The following CCSER2 variants were observed in gnomAD, a reference collection of about 807,000 sequenced individuals.
The protein encoded by CCSER2 is serine-rich coiled-coil domain-containing protein 2.
In CCSER2, 46 loss-of-function variants were observed where a neutral mutation model predicts 92.3. The observed-to-expected ratio is 0.50, with a 90% CI of 0.39 to 0.64. The LOEUF (loss-of-function observed/expected upper bound fraction) is 0.64, where lower values mean the gene tolerates loss of function less well. Ranked by LOEUF, CCSER2 falls within the 30% of genes least tolerant of loss-of-function variation. CCSER2 has a pLI of 0.00. For missense variants in CCSER2, 1,244 were observed against 1,238.9 expected, an observed-to-expected ratio of 1.00 and a Z score of -0.06; for synonymous variants, 433 against 431.4, an observed-to-expected ratio of 1.00 and a Z score of -0.04.
chr10:84,340,183 C>T (rs1429388254), intron 1 of CCSER2, among the ~76,000 whole-genome samples: 2 of 152,208 alleles, frequency 1.3e-5, no homozygotes, highest in Non-Finnish European at 2.9e-5. Context: ...GATGCCTCTT[C>T]TTCCAGGAAA....
intron 9 of CCSER2, among the ~76,000 whole-genome samples, chr10:84,495,701 C>G (rs1328637049): frequency 1.3e-5 from 2 of 149,330 alleles, no homozygotes; most frequent in Non-Finnish European, 3.0e-5. Context: ...TTTGTGAGGT[C>G]TCTTTCTATA....
In CCSER2 at chr10:84,371,880, G is replaced by T. The variant is rs750550458; in HGVS notation, c.828G>T (p.Gln276His). ...GTATGCTAACAAGAAATTCCCGGCAGCCAGAAGTACTCAATGGGAATGAAC... is the reference window on the plus strand; with the variant it reads ...GTATGCTAACAAGAAATTCCCGGCATCCAGAAGTACTCAATGGGAATGAAC... ...RSSMLTRNSR[Q>H]PEVLNGNEHL... is the part of the protein sequence containing the mutation. Residue 276 changes from glutamine (Q) to histidine (H), a missense_variant, in exon 2 of 10, where the codon CAG becomes CAT. Coordinates refer to ENST00000372088, the MANE Select transcript of CCSER2 (RefSeq NM_001284240.2). 1.2e-6 allele frequency: 2 copies of T among 1,613,768 alleles called. No homozygotes were observed. The highest frequency in any genetic ancestry group is 1.7e-6 in the Non-Finnish European group (2 of 1,179,768).
At chr10:84,380,716 CAG>C (rs60369618) in intron 3 of CCSER2, among the ~76,000 whole-genome samples, 2,367 of 140,866 alleles carry the variant, frequency 0.017, 67 homozygotes, top group African/African-American at 0.059. Context: ...TTTTTTGAGA[CAG>C]AGTGTAGCTG....
intron 4 of CCSER2, chr10:84,425,252 T>C: frequency 1.5e-6 from 1 of 687,896 alleles, no homozygotes; most frequent in Non-Finnish European, 1.8e-6. Context: ...AAAGTGTGAT[T>C]TGTTTGTGAT....
intron 1 of CCSER2, among the ~76,000 whole-genome samples, chr10:84,343,093 G>A (rs754377160): frequency 3.9e-5 from 6 of 152,104 alleles, no homozygotes; most frequent in African/African-American, 1.2e-4. Context: ...GGCTGGTCTC[G>A]AACTCCTAAC....
intron 3 of CCSER2, among the ~76,000 whole-genome samples, chr10:84,375,346 T>A (rs888762433): frequency 2.0e-5 from 3 of 152,140 alleles, no homozygotes; most frequent in Non-Finnish European, 4.4e-5. Context: ...GGTGTTTCTG[T>A]CTTTCTCTTC....
intron 1 of CCSER2, among the ~76,000 whole-genome samples, chr10:84,336,857 TAGGC>T (rs775835881): frequency 1.3e-5 from 2 of 151,918 alleles, no homozygotes; most frequent in Non-Finnish European, 2.9e-5. Context: ...ATGATGATTT[TAGGC>T]AGGGATTGGG....
At position 84,340,466 on chromosome 10, in the gene CCSER2, A is replaced by G. The variant is rs1057246982; in HGVS notation, c.-40+11658A>G. The stretch of plus-strand genomic sequence containing the variant: ...TTACGCCATTCAATTTGTACAGAAT[A>G]TACATAAGCAATTCGAATAGTGTTC... On this transcript the variant is annotated intron_variant, in intron 1 of 9. Transcript: ENST00000372088. 2.3e-5 allele frequency among the ~76,000 whole-genome samples: 3 copies of G among 131,082 alleles called. No individual in the cohort carries two copies. The Admixed American group carries it at 2.4e-4, about 10-fold the overall frequency. 86.0% of individuals were successfully genotyped at this position (131,082 alleles called of 152,430 possible). A position where few individuals can be genotyped will look rare whatever the true frequency, so the allele number is the denominator to read the frequency against.
intron 9 of CCSER2, among the ~76,000 whole-genome samples, chr10:84,483,997 AAT>A (rs1847645825): frequency 2.6e-5 from 2 of 75,536 alleles, no homozygotes; most frequent in African/African-American, 8.4e-5. Context: ...ATATATATAT[AAT>A]TTTTTTTTTT....
At chr10:84,426,124 T>A (rs1210130953) in intron 5 of CCSER2, among the ~76,000 whole-genome samples, 1 of 152,222 alleles carries the variant, frequency 6.6e-6, no homozygotes, top group Non-Finnish European at 1.5e-5. Context: ...TCTATTTATA[T>A]CTGCTTTTTG....
chr10:84,385,004 A>AACACACACACACACACACACACACACAC (rs56977232), intron 3 of CCSER2, among the ~76,000 whole-genome samples: 27 of 145,880 alleles, frequency 1.9e-4, no homozygotes, highest in African/African-American at 5.1e-4. Context: ...ATTTACAATA[A>AACACACACACACACACACACACACACAC]ACACACACAC....
chr10:84,455,940 C>G, intron 6 of CCSER2: 1 of 667,528 alleles, frequency 1.5e-6, no homozygotes, highest in Non-Finnish European at 2.9e-6. Flanking sequence ...TTCTGGATTT[C>G]TGTCTCAATT....
rs188863412 is a variant in CCSER2, at chr10:84,396,413, G to A, written c.1615-21358G>A. Reference sequence around the variant, plus strand: ...TTTTTTTTTAAACCTTAACCTTACAGAATACAATAAGTACTGTTTTCCAAG... The same window carrying A: ...TTTTTTTTTAAACCTTAACCTTACAAAATACAATAAGTACTGTTTTCCAAG... On this transcript the variant is annotated intron_variant, in intron 3 of 9. Transcript: ENST00000372088. Among the ~76,000 whole-genome samples, 703 of 151,358 alleles carry A rather than the reference G, an allele frequency of 4.6e-3. 9 individuals are homozygous for A. Among genetic ancestry groups the A allele is most frequent in the Non-Finnish European group, 4.9e-3 (335 of 67,888 alleles).
At chr10:84,473,898 G>A (rs1344781961) in intron 8 of CCSER2, among the ~76,000 whole-genome samples, 2 of 151,948 alleles carry the variant, frequency 1.3e-5, no homozygotes, top group African/African-American at 4.8e-5. Context: ...AGCCTTCTAT[G>A]CTTTTTTATC....
intron 3 of CCSER2, among the ~76,000 whole-genome samples, chr10:84,379,232 G>A (rs1168661306): frequency 1.3e-5 from 2 of 152,114 alleles, no homozygotes; most frequent in Non-Finnish European, 2.9e-5. Flanking sequence ...CTTGTCATTT[G>A]TTGGTGAAAG....
intron 1 of CCSER2, among the ~76,000 whole-genome samples, chr10:84,368,958 A>C (rs1845924128): frequency 6.6e-6 from 1 of 152,114 alleles, no homozygotes; most frequent in African/African-American, 2.4e-5. Flanking sequence ...TTCATTCCTG[A>C]ATTACTTCAG....
At chr10:84,478,877 GA>G (rs1194261315) in intron 9 of CCSER2, among the ~76,000 whole-genome samples, 5 of 152,314 alleles carry the variant, frequency 3.3e-5, no homozygotes, top group Non-Finnish European at 4.4e-5. Context: ...AACAGAAAAA[GA>G]TGATGTGATA....
At chr10:84,347,529 C>T (rs561322231) in intron 1 of CCSER2, among the ~76,000 whole-genome samples, 202 of 149,374 alleles carry the variant, frequency 1.4e-3, no homozygotes, top group African/African-American at 4.6e-3. Flanking sequence ...CCCTCCCGGA[C>T]GGGGCGGCTG....
rs550481564 is a variant in CCSER2, at chr10:84,374,063, A to G, written c.1614+248A>G. ...TATTCCTCATACATATGTGCATACT[A>G]TATTAGTAGTTTAATCTATGCCAGT... On this transcript the variant is annotated intron_variant, in intron 3 of 9. Coordinates refer to ENST00000372088, the MANE Select transcript of CCSER2 (RefSeq NM_001284240.2). The G allele has an allele frequency of 3.0e-5, 25 of 830,544 alleles. No homozygotes were observed. In the African/African-American group the frequency reaches 3.8e-4, roughly 13 times the overall value. 51.4% of individuals were successfully genotyped at this position (830,544 alleles called of 1,614,324 possible).
Sources: allele counts gnomAD v4.1 joint callset (sites outside exome capture counted in the v4.1 genomes callset), GRCh38; gene constraint gnomAD v4.1.1; transcripts MANE v1.5; gene names NCBI Gene and HGNC (gene_info 2026-07-23, HGNC 2026-07-21).